EPHA6: variants seen among roughly 807,000 people sequenced by gnomAD.
EPHA6 encodes ephrin type-A receptor 6.
Under a neutral mutation model 112.0 loss-of-function variants are expected in EPHA6, and 50 were observed. The ratio of observed to expected loss-of-function variants is 0.45; its 90% CI spans 0.36 to 0.56. EPHA6 has a LOEUF of 0.56. EPHA6 is among the 20% of genes least tolerant of loss of function. The pLI, the probability that EPHA6 is intolerant of heterozygous loss-of-function variation, is 0.00. For missense variants in EPHA6, 1,280 were observed against 1,417.4 expected, an observed-to-expected ratio of 0.90 and a Z score of 1.56; for synonymous variants, 529 against 490.7, an observed-to-expected ratio of 1.08 and a Z score of -1.03.
In EPHA6 at chr3:97,756,735, C is replaced by T. The variant is rs1043762693; in HGVS notation, c.*8034C>T. On this transcript the variant is annotated 3_prime_UTR_variant, in exon 18 of 18. Coordinates refer to ENST00000389672, the MANE Select transcript of EPHA6 (RefSeq NM_001080448.3). ...TGTGAAATGGGAGCATTTTGGGGAG[C>T]GAGCAGGACACAATATCTGAGCAGT... Among the ~76,000 whole-genome samples the T allele has an allele frequency of 2.0e-5, 3 of 151,512 alleles. No homozygotes were observed. The highest frequency in any genetic ancestry group is 3.0e-5 in the Non-Finnish European group (2 of 67,694).
intron 3 of EPHA6, among the ~76,000 whole-genome samples, chr3:97,026,985 A>G (rs972844255): frequency 6.6e-6 from 1 of 152,204 alleles, no homozygotes; most frequent in African/African-American, 2.4e-5. Context: ...AGTCACATGA[A>G]TGTGTATGTT....
chr3:97,296,947 G>A lies in EPHA6; in HGVS notation c.1606+52660G>A, dbSNP rs181477558. On this transcript the variant is annotated intron_variant, in intron 5 of 17. Coordinates refer to ENST00000389672, the MANE Select transcript of EPHA6 (RefSeq NM_001080448.3). The stretch of plus-strand genomic sequence containing the variant: ...GGCTCCAGGAATATGGAAAAGCAGG[G>A]TCTATTGGGCCCCAGAGAAGAATGC... 2.0e-5 allele frequency among the ~76,000 whole-genome samples: 3 copies of A among 152,292 alleles called. No individual in the cohort carries two copies. The East Asian group carries it at 5.8e-4, about 29-fold the overall frequency.
At chr3:97,058,073 T>A (rs192811178) in intron 3 of EPHA6, among the ~76,000 whole-genome samples, 1 of 152,262 alleles carries the variant, frequency 6.6e-6, no homozygotes, top group Admixed American at 6.6e-5. Context: ...ATTTATAGTA[T>A]TTAAGACCAT....
At chr3:97,184,455 C>T (rs1004739874) in intron 3 of EPHA6, among the ~76,000 whole-genome samples, 1 of 152,118 alleles carries the variant, frequency 6.6e-6, no homozygotes, top group African/African-American at 2.4e-5. Flanking sequence ...CAGTGAACTC[C>T]CATTCACAAT....
At chr3:96,917,418 CAAAAAAAAA>C (rs5851049) in intron 2 of EPHA6, among the ~76,000 whole-genome samples, 3 of 58,082 alleles carry the variant, frequency 5.2e-5, no homozygotes, top group African/African-American at 1.8e-4. Flanking sequence ...GACTCCATCT[CAAAAAAAAA>C]AAAAAAAAAA....
At chr3:97,284,113 AT>A (rs769460140) in intron 5 of EPHA6, among the ~76,000 whole-genome samples, 3 of 152,188 alleles carry the variant, frequency 2.0e-5, no homozygotes, top group Non-Finnish European at 4.4e-5. Flanking sequence ...TAAATTCTAT[AT>A]CAAAAATGTA....
chr3:96,895,975 G>T (rs2038248513), intron 2 of EPHA6, among the ~76,000 whole-genome samples: 1 of 152,124 alleles, frequency 6.6e-6, no homozygotes, highest in South Asian at 2.1e-4. Context: ...GTACCATGTA[G>T]CCTATGTGTG....
At chr3:97,630,968 T>A (rs2093897902) in intron 13 of EPHA6, among the ~76,000 whole-genome samples, 1 of 151,950 alleles carries the variant, frequency 6.6e-6, no homozygotes, top group South Asian at 2.1e-4. Flanking sequence ...TGTCATCCCA[T>A]CCTAATCTCA....
At chr3:97,469,455 T>A (rs551386720) in intron 7 of EPHA6, among the ~76,000 whole-genome samples, 3 of 151,890 alleles carry the variant, frequency 2.0e-5, no homozygotes, top group Non-Finnish European at 4.4e-5. Context: ...TTCTAGAGAA[T>A]CTTTTTTATT....
At chr3:97,389,678 C>T (rs551278204) in intron 5 of EPHA6, among the ~76,000 whole-genome samples, 8 of 152,186 alleles carry the variant, frequency 5.3e-5, no homozygotes, top group Admixed American at 1.3e-4. Flanking sequence ...GATTATATAG[C>T]ACAACATGTT....
chr3:97,524,513 AC>A (rs1427969554), intron 10 of EPHA6, among the ~76,000 whole-genome samples: 1 of 151,578 alleles, frequency 6.6e-6, no homozygotes, highest in African/African-American at 2.4e-5. Flanking sequence ...GATTTACATA[AC>A]CCCTTTACGG....
chr3:97,299,013 T>C (rs2080984876), intron 5 of EPHA6, among the ~76,000 whole-genome samples: 1 of 152,208 alleles, frequency 6.6e-6, no homozygotes, highest in Admixed American at 6.5e-5. Flanking sequence ...ATTATATTCA[T>C]TTATTTAATA....
intron 3 of EPHA6, among the ~76,000 whole-genome samples, chr3:97,219,417 A>G (rs989454025): frequency 1.3e-5 from 2 of 152,184 alleles, no homozygotes; most frequent in African/African-American, 4.8e-5. Flanking sequence ...ATCCTCTGAA[A>G]TCTACGTAGA....
intron 1 of EPHA6, among the ~76,000 whole-genome samples, chr3:96,857,904 A>G (rs1281558865): frequency 1.3e-5 from 2 of 152,140 alleles, no homozygotes; most frequent in African/African-American, 2.4e-5. Flanking sequence ...CCCAATAACC[A>G]TGTTTTGTGA....
chr3:97,682,704 A>G (rs1410029810), intron 14 of EPHA6, among the ~76,000 whole-genome samples: 1 of 152,204 alleles, frequency 6.6e-6, no homozygotes, highest in Non-Finnish European at 1.5e-5. Flanking sequence ...ACACTAACAC[A>G]GAAGCCCACC....
At chr3:97,296,067 G>C in intron 5 of EPHA6, among the ~76,000 whole-genome samples, 1 of 152,174 alleles carries the variant, frequency 6.6e-6, no homozygotes, top group East Asian at 1.9e-4. Context: ...GTGGGTCCTA[G>C]GTCCTCTAGA....
At chr3:97,459,353 G>T (rs1350696365) in intron 7 of EPHA6, among the ~76,000 whole-genome samples, 1 of 152,146 alleles carries the variant, frequency 6.6e-6, no homozygotes, top group African/African-American at 2.4e-5. Context: ...CTCTGGGGGT[G>T]GGACCCAGCA....
At chr3:97,558,434 T>C (rs1034839767) in intron 11 of EPHA6, among the ~76,000 whole-genome samples, 2 of 152,012 alleles carry the variant, frequency 1.3e-5, no homozygotes, top group Non-Finnish European at 2.9e-5. Flanking sequence ...ATTCAGTCAA[T>C]GAGTAAATCT....
chr3:97,062,786 C>T (rs1430774844), intron 3 of EPHA6, among the ~76,000 whole-genome samples: 2 of 152,138 alleles, frequency 1.3e-5, no homozygotes, highest in African/African-American at 4.8e-5. Context: ...TGTGAGGCCT[C>T]CCCAGCCACA....
Sources: gnomAD v4.1 joint callset for allele counts (sites outside exome capture counted in the v4.1 genomes callset) on GRCh38, gnomAD v4.1.1 for gene constraint, MANE v1.5 for transcripts, NCBI Gene and HGNC (gene_info 2026-07-23, HGNC 2026-07-21) for gene names.